The following NF2 variants were observed in gnomAD, a reference collection of about 807,000 sequenced individuals.
NF2 encodes NF2, moesin-ezrin-radixin like (MERLIN) tumor suppressor, also known as merlin.
NF2 carries 8 observed loss-of-function variants against 83.7 expected under a neutral mutation model. The ratio of observed to expected loss-of-function variants is 0.10; its 90% confidence interval spans 0.06 to 0.17. The LOEUF (loss-of-function observed/expected upper bound fraction) is 0.17, where lower values mean the gene tolerates loss of function less well. NF2 is among the 10% of genes least tolerant of loss of function. NF2 has a pLI of 1.00. For missense variants in NF2, 533 were observed against 744.4 expected, an observed-to-expected ratio of 0.72 and a Z score of 3.31; for synonymous variants, 266 against 269.6, an observed-to-expected ratio of 0.99 and a Z score of 0.13.
At chr22:29,675,731 AGCACAGTCATCTACATG>A (rs1340942944) in intron 13 of NF2, among the ~76,000 whole-genome samples, 2 of 152,142 alleles carry the variant, frequency 1.3e-5, no homozygotes, top group East Asian at 3.8e-4. Context: ...ACTCACACAC[AGCACAGTCATCTACATG>A]GCACAGACAC....
intron 7 of NF2, among the ~76,000 whole-genome samples, chr22:29,659,742 T>A (rs182864826): frequency 2.6e-4 from 40 of 152,284 alleles, no homozygotes; most frequent in Admixed American, 2.5e-3. Flanking sequence ...TTTAAAAATT[T>A]AAACTAAATA....
intron 1 of NF2, among the ~76,000 whole-genome samples, chr22:29,633,977 T>C (rs1369187269): frequency 6.6e-6 from 1 of 152,184 alleles, no homozygotes; most frequent in African/African-American, 2.4e-5. Flanking sequence ...AATATCTGAC[T>C]CTTCTGAGAA....
chr22:29,695,869 G>T lies in NF2; in HGVS notation c.*1067G>T. 1 of 233,368 alleles carries T rather than the reference G, an allele frequency of 4.3e-6. No individual in the cohort carries two copies. The allele number at this position is 233,368 out of a possible 1,614,324, so 14.5% of individuals were successfully genotyped here. On this transcript the variant is annotated 3_prime_UTR_variant, in exon 16 of 16. Transcript: ENST00000338641. This position sits in a 1 kb window ranked among gnomAD's most constrained non-coding sequence, Gnocchi z 5.4. The stretch of plus-strand genomic sequence containing the variant: ...TTTGCTGTTGCCCTTGTCCCTCTTC[G>T]GGCCCTGAATTTTCTGTTCCCTGGG...
At chr22:29,682,647 T>C (rs186048443) in intron 15 of NF2, among the ~76,000 whole-genome samples, 1 of 152,312 alleles carries the variant, frequency 6.6e-6, no homozygotes, top group East Asian at 1.9e-4. Context: ...AACAAAATTA[T>C]TAAACAGTAA....
At chr22:29,677,990 A>AT (rs1222605968) in intron 13 of NF2, among the ~76,000 whole-genome samples, 1 of 144,760 alleles carries the variant, frequency 6.9e-6, no homozygotes, top group Non-Finnish European at 1.5e-5. Flanking sequence ...ATTTTCCTGG[A>AT]TTTGTAGTCT....
chr22:29,606,059 A>G (rs1165006089), intron 1 of NF2, among the ~76,000 whole-genome samples: 1 of 152,052 alleles, frequency 6.6e-6, no homozygotes, highest in East Asian at 1.9e-4. Flanking sequence ...GGTTCAAGCG[A>G]TTCTCCCACA....
Position 29,652,260 on chromosome 22 carries a change from T to G in NF2, c.448-2397T>G, listed in dbSNP as rs1250835939. Among the ~76,000 whole-genome samples the G allele has an allele frequency of 2.6e-5, 4 of 152,338 alleles. No homozygotes were observed. In the East Asian group the frequency reaches 7.7e-4, roughly 29 times the overall value. ...AGATTTGGAGAGACCTGAGATCTTT[T>G]GGACATCAGGTTTATGTGTCAAGCA... On this transcript the variant is annotated intron_variant, in intron 4 of 15. Transcript: ENST00000338641.
At position 29,661,212 on chromosome 22, in the gene NF2, A is replaced by G. The variant is rs145384260; in HGVS notation, c.683A>G (p.Lys228Arg). Residue 228 changes from lysine to arginine, a missense_variant, in exon 8 of 16, where the codon AAG (lysine) becomes AGG (arginine). By Grantham distance (26) the Lys-to-Arg change is conservative. Transcript: ENST00000338641. ...TTCTTATTGGATCCACAGAATAAAA[A>G]GGGCACAGAGCTGCTGCTTGGAGTG... ...GVNYFAIRNK[K>R]GTELLLGVDA... The G allele has an allele frequency of 8.7e-6, 14 of 1,614,252 alleles. No individual in the cohort carries two copies. Among genetic ancestry groups the G allele is most frequent in the East Asian group, 2.2e-5 (1 of 44,892 alleles).
rs534004671 is a variant in NF2 at position 29,662,911 on chromosome 22, G to A, written c.810+1572G>A. On this transcript the variant is annotated intron_variant, in intron 8 of 15. Transcript: ENST00000338641. ...GACACAGACTAGAGAGTGAAGAACAGGAACAGCTTATGTTGCTGCCTGCAG... is the reference window on the plus strand; with the variant it reads ...GACACAGACTAGAGAGTGAAGAACAAGAACAGCTTATGTTGCTGCCTGCAG... 2.0e-5 allele frequency among the ~76,000 whole-genome samples: 3 copies of A among 152,328 alleles called. No individual in the cohort carries two copies. In the South Asian group the frequency reaches 6.2e-4, roughly 32 times the overall value.
Position 29,603,932 on chromosome 22 carries a change from CA to C in NF2, c.-66del. On this transcript the variant is annotated 5_prime_UTR_variant, in exon 1 of 16. It removes the in-frame stop codon of an upstream open reading frame in the 5' UTR. Transcript: ENST00000338641. ...GGCCCTGAGGCCTGTGCAGCAACTC[CA>C]GGGGGGCTAAAGGGCTCAGAGTGCA... 7.7e-7 allele frequency: 1 copy of C among 1,299,998 alleles called. No homozygotes were observed. Among genetic ancestry groups the C allele is most frequent in the Non-Finnish European group, 1.1e-6 (1 of 927,562 alleles). 80.5% of individuals were successfully genotyped at this position (1,299,998 alleles called of 1,614,324 possible).
Position 29,664,980 on chromosome 22 carries a change from A to G in NF2, c.811-10A>G, listed in dbSNP as rs527719826. ...TCGGACTGAAACTGTGTTCTGCTTC[A>G]TTCTTCCAGTTTACTATTAAACCAC... On this transcript the variant is annotated splice_polypyrimidine_tract_variant and intron_variant, in intron 8 of 15. Transcript: ENST00000338641. 2 of 1,601,936 alleles carry G rather than the reference A, an allele frequency of 1.2e-6. No individual in the cohort carries two copies. Among genetic ancestry groups the G allele is most frequent in the Admixed American group, 1.7e-5 (1 of 59,952 alleles).
chr22:29,606,475 C>T (rs867861874), intron 1 of NF2, among the ~76,000 whole-genome samples: 6 of 152,236 alleles, frequency 3.9e-5, no homozygotes, highest in African/African-American at 1.4e-4. Flanking sequence ...TTCCCCACAG[C>T]TCCAGAGCCT....
intron 1 of NF2, among the ~76,000 whole-genome samples, chr22:29,613,538 T>TA (rs2065007659): frequency 6.6e-6 from 1 of 151,774 alleles, no homozygotes; most frequent in Non-Finnish European, 1.5e-5. Context: ...TTCAAAAAAA[T>TA]AAAAATAAAA....
In NF2 at chr22:29,632,285, G is replaced by A. The variant is rs187763410; in HGVS notation, c.115-4466G>A. On this transcript the variant is annotated intron_variant, in intron 1 of 15. Coordinates refer to ENST00000338641, the MANE Select transcript of NF2 (RefSeq NM_000268.4). ...ACCTCTTTTTTGCCTCTAGACTTGTGCATATGCTATTCCCTCTGCCTGGAA... is the reference window on the plus strand; with the variant it reads ...ACCTCTTTTTTGCCTCTAGACTTGTACATATGCTATTCCCTCTGCCTGGAA... Among the ~76,000 whole-genome samples, 8 of 152,106 alleles carry A rather than the reference G, an allele frequency of 5.3e-5. No homozygotes were observed. The East Asian group carries it at 1.5e-3, about 29-fold the overall frequency.
intron 3 of NF2, among the ~76,000 whole-genome samples, chr22:29,640,796 C>T (rs569486368): frequency 5.9e-5 from 9 of 151,970 alleles, no homozygotes; most frequent in East Asian, 3.9e-4. Context: ...TGTGTGCACG[C>T]GCAAAAGAGG....
At chr22:29,683,969 C>G (rs1475866230) in intron 15 of NF2, 2 of 996,946 alleles carry the variant, frequency 2.0e-6, no homozygotes, top group Non-Finnish European at 2.4e-6. Flanking sequence ...CACCACCTGA[C>G]AGCAGCATAG....
At chr22:29,641,069 G>T (rs2065796661) in intron 3 of NF2, among the ~76,000 whole-genome samples, 1 of 152,198 alleles carries the variant, frequency 6.6e-6, no homozygotes, top group Non-Finnish European at 1.5e-5. Flanking sequence ...GGAGGTGGAG[G>T]TTGCAGTGAG....
intron 1 of NF2, among the ~76,000 whole-genome samples, chr22:29,623,316 T>C (rs1487760336): frequency 2.0e-5 from 3 of 152,192 alleles, no homozygotes; most frequent in African/African-American, 7.2e-5. Flanking sequence ...AAGAGGCTTG[T>C]ATTCATCAGA....
intron 10 of NF2, among the ~76,000 whole-genome samples, chr22:29,670,503 T>TTTTGTG (rs370999091): frequency 6.8e-6 from 1 of 146,342 alleles, no homozygotes; most frequent in African/African-American, 2.6e-5. Flanking sequence ...CTTTTTGAGC[T>TTTTGTG]TGTGTGTGTG....
Sources: gnomAD v4.1 joint callset for allele counts (sites outside exome capture counted in the v4.1 genomes callset) on GRCh38, gnomAD v4.1.1 for gene constraint, Gnocchi (gnomAD v3.1) non-coding constraint, MANE v1.5 for transcripts, NCBI Gene and HGNC (gene_info 2026-07-23, HGNC 2026-07-21) for gene names.